The following CA1 variants were observed in gnomAD, a reference collection of about 807,000 sequenced individuals.
CA1 encodes the protein carbonic anhydrase 1.
CA1 carries 27 observed loss-of-function variants against 28.8 expected under a neutral mutation model. The observed-to-expected ratio is 0.94, with a 90% confidence interval of 0.69 to 1.29. CA1 has a LOEUF of 1.29. Ranked by LOEUF, CA1 falls within the 50% of genes most tolerant of loss-of-function variation. The probability of loss-of-function intolerance (pLI) is 0.00; values close to 1 mark genes in which losing one functional copy is unlikely to be tolerated. For synonymous variants in CA1, 121 were observed against 108.8 expected (o/e 1.11, Z -0.70); for missense variants, 335 against 310.5 (o/e 1.08, Z -0.59).
intron 1 of CA1, among the ~76,000 whole-genome samples, chr8:85,372,853 C>T (rs1027610655): frequency 1.3e-5 from 2 of 152,160 alleles, no homozygotes; most frequent in Non-Finnish European, 2.9e-5. Context: ...TCCCCTTAGT[C>T]ACTTAGTAGT....
intron 1 of CA1, among the ~76,000 whole-genome samples, chr8:85,344,188 T>TTA (rs1241457869): frequency 8.6e-6 from 1 of 116,520 alleles, no homozygotes; most frequent in Non-Finnish European, 1.6e-5. Context: ...TAATATATAA[T>TTA]TATATATTAT....
At chr8:85,367,318 G>A (rs1810047279) in intron 1 of CA1, among the ~76,000 whole-genome samples, 1 of 152,000 alleles carries the variant, frequency 6.6e-6, no homozygotes, top group Non-Finnish European at 1.5e-5. Flanking sequence ...CTAACCAGAT[G>A]AACACATGGA....
At chr8:85,334,181 T>C (rs1036754374) in intron 4 of CA1, among the ~76,000 whole-genome samples, 2 of 152,260 alleles carry the variant, frequency 1.3e-5, no homozygotes, top group African/African-American at 2.4e-5. Flanking sequence ...GGATGTCTAA[T>C]AGATGTTTCA....
chr8:85,329,915 C>CA, intron 6 of CA1, 71 bp from the exon 7 acceptor site: 1 of 1,172,156 alleles, frequency 8.5e-7, no homozygotes, highest in Non-Finnish European at 1.2e-6. Flanking sequence ...CATATATATG[C>CA]TATATTATCT....
intron 1 of CA1, among the ~76,000 whole-genome samples, chr8:85,373,811 G>A (rs1008287434): frequency 2.0e-5 from 3 of 152,166 alleles, no homozygotes; most frequent in African/African-American, 7.2e-5. Context: ...ACTATGCTAA[G>A]TGAAATAAGC....
intron 1 of CA1, among the ~76,000 whole-genome samples, chr8:85,350,446 C>T (rs1157259543): frequency 6.6e-6 from 1 of 152,188 alleles, no homozygotes; most frequent in East Asian, 1.9e-4. Flanking sequence ...CATCGCCTTG[C>T]ACCTAGTTTA....
At chr8:85,344,257 ACAGT>A (rs1809069770) in intron 1 of CA1, among the ~76,000 whole-genome samples, 1 of 94,514 alleles carries the variant, frequency 1.1e-5, no homozygotes, top group Non-Finnish European at 1.9e-5. Flanking sequence ...TATATTATAT[ACAGT>A]ATATAATATA....
intron 1 of CA1, chr8:85,373,395 ATCACAATGCTTACATCAT>A (rs1389682139): frequency 5.9e-5 from 9 of 152,350 alleles, no homozygotes; most frequent in African/African-American, 2.2e-4. Context: ...CTATGGCTAC[ATCACAATGCTTACATCAT>A]TCACCTCTTG....
chr8:85,365,717 G>A lies in CA1; in HGVS notation c.-25+12329C>T, dbSNP rs990749514. 1.5e-4 allele frequency among the ~76,000 whole-genome samples: 23 copies of A among 152,012 alleles called. 1 individual carries two copies. Among genetic ancestry groups the A allele is most frequent in the Middle Eastern group, 6.8e-3 (2 of 294 alleles). On this transcript the variant is annotated intron_variant, in intron 1 of 7. Coordinates refer to ENST00000523022, the MANE Select transcript of CA1 (RefSeq NM_001128831.4). The stretch of plus-strand genomic sequence containing the variant: ...GGCTTGTTAATTTATTTTTAAGTTC[G>A]GGGAGAACAACTGTGGCCATACACA...
chr8:85,350,877 G>T (rs1809383601), intron 1 of CA1, among the ~76,000 whole-genome samples: 2 of 152,078 alleles, frequency 1.3e-5, no homozygotes, highest in African/African-American at 4.8e-5. Context: ...ATGAATTCTT[G>T]GCAATGTTCT....
intron 6 of CA1, among the ~76,000 whole-genome samples, chr8:85,330,951 G>A (rs1219599577): frequency 6.6e-6 from 1 of 151,994 alleles, no homozygotes; most frequent in Non-Finnish European, 1.5e-5. Context: ...TTCATACCTG[G>A]TTTTGGTATC....
intron 1 of CA1, among the ~76,000 whole-genome samples, chr8:85,347,500 AATAGTC>A (rs1300634117): frequency 5.9e-5 from 9 of 152,212 alleles, no homozygotes; most frequent in Non-Finnish European, 1.5e-5. Context: ...ACAGCCAGAA[AATAGTC>A]ATATGCCTTG....
chr8:85,353,430 A>T (rs1369072299), intron 1 of CA1, among the ~76,000 whole-genome samples: 3 of 152,224 alleles, frequency 2.0e-5, no homozygotes, highest in African/African-American at 7.2e-5. Flanking sequence ...TTTATTTCAT[A>T]TATTTAAAGA....
intron 1 of CA1, among the ~76,000 whole-genome samples, chr8:85,355,849 G>GTT (rs5892942): frequency 1.8e-4 from 27 of 151,004 alleles, no homozygotes; most frequent in Admixed American, 2.6e-4. Context: ...GGCAGGTCTA[G>GTT]TTTTTTTTTC....
chr8:85,377,511 G>A (rs1323072514), intron 1 of CA1, among the ~76,000 whole-genome samples: 2 of 152,128 alleles, frequency 1.3e-5, no homozygotes, highest in African/African-American at 4.8e-5. Flanking sequence ...ATTTTAAATG[G>A]TAATTTATAT....
chr8:85,374,646 A>C (rs988867225), intron 1 of CA1, among the ~76,000 whole-genome samples: 1 of 152,152 alleles, frequency 6.6e-6, no homozygotes, highest in African/African-American at 2.4e-5. Flanking sequence ...TACACACTGG[A>C]TGATTGAAAT....
rs144424182 is a variant in CA1, at chr8:85,331,511, C to T, written c.513+979G>A. Among the ~76,000 whole-genome samples the T allele has an allele frequency of 8.9e-3, 1,354 of 152,126 alleles. 21 individuals carry two copies. The highest frequency in any genetic ancestry group is 0.031 in the African/African-American group (1,272 of 41,492). ...TCACTCTTTTACCCAGGCTGGAGTG[C>T]AGTGGCACAATCTCGGCTCACTGCA... On this transcript the variant is annotated intron_variant, in intron 6 of 7. Coordinates refer to ENST00000523022, the MANE Select transcript of CA1 (RefSeq NM_001128831.4).
chr8:85,374,358 TA>T (rs1810331860), intron 1 of CA1, among the ~76,000 whole-genome samples: 9 of 152,186 alleles, frequency 5.9e-5, no homozygotes, highest in African/African-American at 1.9e-4. Flanking sequence ...AATAGAAAGA[TA>T]TTTCAGTCTT....
chr8:85,330,677 A>G (rs1808360831), intron 6 of CA1, among the ~76,000 whole-genome samples: 1 of 152,134 alleles, frequency 6.6e-6, no homozygotes, highest in Non-Finnish European at 1.5e-5. Context: ...AAGGGCATTA[A>G]CTTTTATCAA....
Sources: gnomAD v4.1 joint callset for allele counts (sites outside exome capture counted in the v4.1 genomes callset) on GRCh38, gnomAD v4.1.1 for gene constraint, MANE v1.5 for transcripts, NCBI Gene and HGNC (gene_info 2026-07-23, HGNC 2026-07-21) for gene names.